The following SLC19A1 variants were observed in gnomAD, a reference collection of about 807,000 sequenced individuals.
SLC19A1 encodes solute carrier family 19 member 1, also known as reduced folate transporter.
Under a neutral mutation model 35.3 loss-of-function variants are expected in SLC19A1, and 37 were observed. The observed-to-expected ratio is 1.05, with a 90% CI of 0.81 to 1.38. The LOEUF (loss-of-function observed/expected upper bound fraction) is 1.38. Among genes scored for constraint, SLC19A1 ranks in the 40% most tolerant of loss-of-function variants. The pLI is 0.00. For missense variants in SLC19A1, 831 were observed against 826.9 expected (o/e 1.00, Z -0.06); for synonymous variants, 460 against 398.5 (o/e 1.15, Z -1.84).
intron 5 of SLC19A1, among the ~76,000 whole-genome samples, chr21:45,525,559 CGTGGCGAGCAGAGGCTCAGCT>C (rs2077580143): frequency 2.0e-5 from 3 of 152,370 alleles, no homozygotes; most frequent in Admixed American, 2.0e-4. Flanking sequence ...ACAGCTCCGC[CGTGGCGAGCAGAGGCTCAGCT>C]GCTCCCACTG....
Position 45,517,310 on chromosome 21 carries a change from T to C in SLC19A1, c.1294-1170A>G, listed in dbSNP as rs1568972656. Among the ~76,000 whole-genome samples, 1 of 152,116 alleles carries C rather than the reference T, an allele frequency of 6.6e-6. No homozygotes were observed. Among genetic ancestry groups the C allele is most frequent in the Non-Finnish European group, 1.5e-5 (1 of 68,000 alleles). ...AAAGACCTTTCGACAGGAATCGCCC[T>C]GCTCCCCGCAAACACCAGACCTCGG... On this transcript the variant is annotated intron_variant, in intron 5 of 5. Transcript: ENST00000311124. The surrounding 1 kb of genome is among the most constrained non-coding windows in gnomAD (Gnocchi z 4.4).
chr21:45,516,505 C>G (rs1206809009), intron 5 of SLC19A1, among the ~76,000 whole-genome samples: 1 of 152,210 alleles, frequency 6.6e-6, no homozygotes, highest in South Asian at 2.1e-4. Context: ...AGGGCCAGAA[C>G]GTCCCGCCTG....
intron 3 of SLC19A1, chr21:45,504,645 G>A (rs1006240738): frequency 1.2e-4 from 148 of 1,187,036 alleles, no homozygotes; most frequent in Middle Eastern, 2.7e-4. Context: ...TTCGACACCC[G>A]CGAAGGCCGG....
At chr21:45,552,623 A>T (rs1311200131) in intron 1 of SLC19A1, among the ~76,000 whole-genome samples, 1 of 152,074 alleles carries the variant, frequency 6.6e-6, no homozygotes, top group Non-Finnish European at 1.5e-5. Context: ...TCTCGCCCAG[A>T]ACAGGGCACC....
intron 1 of SLC19A1, among the ~76,000 whole-genome samples, chr21:45,538,222 C>T (rs1394492989): frequency 6.6e-6 from 1 of 152,252 alleles, no homozygotes; most frequent in Non-Finnish European, 1.5e-5. Flanking sequence ...CAGGCTGTCA[C>T]CACCTCCAGG....
intron 2 of SLC19A1, among the ~76,000 whole-genome samples, chr21:45,535,567 G>A (rs778838388): frequency 5.9e-5 from 9 of 152,178 alleles, no homozygotes; most frequent in South Asian, 4.1e-4. Flanking sequence ...CAGCCCACCC[G>A]AGCTGGTGAG....
chr21:45,516,284 C>T (rs1347363751), intron 5 of SLC19A1, 144 bp from the exon 6 acceptor site: 9 of 654,700 alleles, frequency 1.4e-5, no homozygotes, highest in Non-Finnish European at 2.4e-5. Context: ...AGGCCAGCCC[C>T]AGGAGCAGGT....
intron 1 of SLC19A1, among the ~76,000 whole-genome samples, chr21:45,550,829 C>T (rs2146489192): frequency 6.6e-6 from 1 of 152,040 alleles, no homozygotes; most frequent in Non-Finnish European, 1.5e-5. Context: ...ACCTCCACAC[C>T]CATCTCCCCT....
rs1555877858 is a variant in SLC19A1 at position 45,514,262 on chromosome 21, C to CCG, written c.*1395_*1396insCG. ...CCAGGAAATGGCTGGTGCAGACCCC[C>CCG]CCCCAAGCAGGGTCCCCAGGGTGGC... On this transcript the variant is annotated 3_prime_UTR_variant, in exon 6 of 6. Coordinates refer to ENST00000311124, the MANE Select transcript of SLC19A1 (RefSeq NM_194255.4). The CCG allele has an allele frequency of 2.0e-5, 3 of 152,020 alleles. No individual in the cohort carries two copies. The highest frequency in any genetic ancestry group is 3.9e-4 in the East Asian group (2 of 5,186). The allele number at this position is 152,020 out of a possible 1,614,324, so 9.4% of individuals were successfully genotyped here.
In SLC19A1 at chr21:45,526,697, G is replaced by A. The variant is rs146375780; in HGVS notation, c.1152-739C>T. Among the ~76,000 whole-genome samples, 60 of 152,270 alleles carry A rather than the reference G, an allele frequency of 3.9e-4. No individual in the cohort carries two copies. The East Asian group carries it at 0.011, about 28-fold the overall frequency. ...AGCAATTCTCCTGTCTCAGCCTTTC[G>A]AGTAGCTGGGATTACAGGCACGCGC... On this transcript the variant is annotated intron_variant, in intron 4 of 5. Transcript: ENST00000311124.
At chr21:45,510,006 G>A (rs901392802), downstream of SLC19A1, 7 of 1,523,212 alleles carry the variant, frequency 4.6e-6, no homozygotes, top group Non-Finnish European at 6.2e-6. Context: ...GTGCGCCCGG[G>A]GCCTGGGTGC....
rs886225874 is a variant in SLC19A1 at position 45,504,147 on chromosome 21, C to T, written c.498-5535G>A. 1.3e-5 allele frequency: 19 copies of T among 1,434,656 alleles called. No homozygotes were observed. In the Middle Eastern group the frequency reaches 6.7e-4, roughly 50 times the overall value. 88.9% of individuals were successfully genotyped at this position (1,434,656 alleles called of 1,614,324 possible). A position where few individuals can be genotyped will look rare whatever the true frequency, so the allele number is the denominator to read the frequency against. The stretch of plus-strand genomic sequence containing the variant: ...AATTTCTCGCCCCATCCGGCCCAAG[C>T]CCCCTTCCTGTTCAGCCCTGCGAGG... On this transcript the variant is annotated intron_variant, in intron 3 of 4. Transcript: ENST00000417954.
chr21:45,525,988 C>T, intron 4 of SLC19A1, 30 bp from the exon 5 acceptor site: 1 of 1,606,110 alleles, frequency 6.2e-7, no homozygotes, highest in Non-Finnish European at 8.5e-7. Context: ...AGATCAGGCG[C>T]TGCTGGGAGA....
intron 1 of SLC19A1, among the ~76,000 whole-genome samples, chr21:45,560,041 C>T (rs1049788449): frequency 1.4e-4 from 21 of 152,350 alleles, no homozygotes; most frequent in Middle Eastern, 6.8e-3. Flanking sequence ...CAGCACGTCA[C>T]ACCCCCCAGC....
In SLC19A1 at chr21:45,531,459, G is replaced by A. The variant is rs760788584; in HGVS notation, c.879C>T (p.Asn293=). The change falls in exon 3 of 6, where the codon AAC becomes AAT. Residue 293 remains asparagine (N), a synonymous_variant. Transcript: ENST00000311124. ...LVVYYVHILW[N]EVDPTTNSAR... is the part of the protein sequence containing the mutation. Reference sequence around the variant, plus strand: ...CACTGTTGGTGGTGGGGTCCACCTCGTTCCACAGGATGTGCACGTAGTAGA... The same window carrying A: ...CACTGTTGGTGGTGGGGTCCACCTCATTCCACAGGATGTGCACGTAGTAGA... 33 of 1,612,320 alleles carry A rather than the reference G, an allele frequency of 2.0e-5. No individual in the cohort carries two copies. Among genetic ancestry groups the A allele is most frequent in the Middle Eastern group, 1.6e-4 (1 of 6,078 alleles).
chr21:45,530,664 T>A lies in SLC19A1; in HGVS notation c.1151+106A>T. The A allele has an allele frequency of 3.3e-6, 4 of 1,228,802 alleles. No homozygotes were observed. Among genetic ancestry groups the A allele is most frequent in the Non-Finnish European group, 4.5e-6 (4 of 884,878 alleles). The allele number at this position is 1,228,802 out of a possible 1,614,324, so 76.1% of individuals were successfully genotyped here. A position where few individuals can be genotyped will look rare whatever the true frequency, so the allele number is the denominator to read the frequency against. Reference sequence around the variant, plus strand: ...TCCAGGTGGCTGGCGGGGCCAGCAGTGGCACAGCCGCTGGGGCGCAGCAGG... The same window carrying A: ...TCCAGGTGGCTGGCGGGGCCAGCAGAGGCACAGCCGCTGGGGCGCAGCAGG... On this transcript the variant is annotated intron_variant, in intron 4 of 5. Coordinates refer to ENST00000311124, the MANE Select transcript of SLC19A1 (RefSeq NM_194255.4). This position sits in a 1 kb window ranked among gnomAD's most constrained non-coding sequence, Gnocchi z 5.3.
upstream of SLC19A1, among the ~76,000 whole-genome samples, chr21:45,549,229 C>T (rs1300225366): frequency 6.6e-6 from 1 of 152,154 alleles, no homozygotes; most frequent in Non-Finnish European, 1.5e-5. Flanking sequence ...AGTCTCAGCA[C>T]CCTCGTGCTG....
intron 1 of SLC19A1, among the ~76,000 whole-genome samples, chr21:45,559,372 A>G (rs556034328): frequency 1.3e-4 from 20 of 152,188 alleles, no homozygotes; most frequent in Non-Finnish European, 2.4e-4. Context: ...ACGCACCGAC[A>G]AGGAGACAAA....
intron 1 of SLC19A1, among the ~76,000 whole-genome samples, chr21:45,556,608 G>A (rs917312943): frequency 7.2e-5 from 11 of 152,344 alleles, no homozygotes; most frequent in Non-Finnish European, 1.2e-4. Flanking sequence ...CCGTGCAGAC[G>A]AAACCAGTCA....
Sources: allele counts gnomAD v4.1 joint callset (sites outside exome capture counted in the v4.1 genomes callset), GRCh38; gene constraint gnomAD v4.1.1; non-coding constraint Gnocchi (gnomAD v3.1); transcripts MANE v1.5; gene names NCBI Gene and HGNC (gene_info 2026-07-23, HGNC 2026-07-21).